GRIK1: variants seen among roughly 807,000 people sequenced by gnomAD.
GRIK1 encodes glutamate receptor ionotropic, kainate 1.
Under a neutral mutation model 105.7 loss-of-function variants are expected in GRIK1, and 69 were observed. That is an observed-to-expected ratio of 0.65 (90% CI 0.54 to 0.80). The LOEUF (loss-of-function observed/expected upper bound fraction) is 0.80, where lower values mean the gene tolerates loss of function less well. Among genes scored for constraint, GRIK1 ranks in the 30% least tolerant of loss-of-function variants. The pLI is 0.00. For missense variants in GRIK1, 1,109 were observed against 1,167.3 expected, an observed-to-expected ratio of 0.95 and a Z score of 0.73; for synonymous variants, 438 against 431.3, an observed-to-expected ratio of 1.02 and a Z score of -0.19.
intron 1 of GRIK1, among the ~76,000 whole-genome samples, chr21:29,703,141 T>C (rs1344293047): frequency 2.0e-5 from 3 of 152,262 alleles, no homozygotes; most frequent in Admixed American, 2.0e-4. Context: ...TGAGTTTTTA[T>C]GTTTATGATA....
intron 7 of GRIK1, among the ~76,000 whole-genome samples, chr21:29,626,630 C>T (rs1351590638): frequency 6.6e-6 from 1 of 152,174 alleles, no homozygotes; most frequent in African/African-American, 2.4e-5. Flanking sequence ...ATTAATAGGG[C>T]ACTGTTTGAC....
chr21:29,659,977 CA>C (rs368781243), intron 4 of GRIK1, among the ~76,000 whole-genome samples: 10 of 151,606 alleles, frequency 6.6e-5, no homozygotes, highest in Non-Finnish European at 1.0e-4. Flanking sequence ...CAAAACAAAA[CA>C]AAAAAAACCC....
chr21:29,758,675 A>G (rs771165360), intron 1 of GRIK1, among the ~76,000 whole-genome samples: 2 of 152,214 alleles, frequency 1.3e-5, no homozygotes, highest in Admixed American at 6.5e-5. Context: ...ACATCATTAG[A>G]CTAATTTACT....
chr21:29,928,209 T>G (rs1470323903), intron 1 of GRIK1, among the ~76,000 whole-genome samples: 1 of 152,268 alleles, frequency 6.6e-6, no homozygotes, highest in Non-Finnish European at 1.5e-5. Context: ...CTAGGCTTTC[T>G]GTTGCAAAGC....
intron 16 of GRIK1, among the ~76,000 whole-genome samples, chr21:29,542,602 A>C (rs868133565): frequency 6.6e-6 from 1 of 152,234 alleles, no homozygotes; most frequent in Non-Finnish European, 1.5e-5. Context: ...TATGGAATTG[A>C]CTTTCATACT....
chr21:29,652,509 T>C (rs2062758057), intron 5 of GRIK1, among the ~76,000 whole-genome samples: 1 of 152,210 alleles, frequency 6.6e-6, no homozygotes, highest in Non-Finnish European at 1.5e-5. Flanking sequence ...AGGGAACCCA[T>C]TCCCTTGCAG....
intron 1 of GRIK1, among the ~76,000 whole-genome samples, chr21:29,844,597 C>T (rs181777158): frequency 5.9e-5 from 9 of 152,242 alleles, no homozygotes; most frequent in Admixed American, 1.3e-4. Flanking sequence ...AACAAAAACA[C>T]GAATATTAGA....
chr21:29,848,475 A>G lies in GRIK1; in HGVS notation c.118+90908T>C, dbSNP rs370223112. Among the ~76,000 whole-genome samples the G allele has an allele frequency of 2.7e-4, 41 of 152,270 alleles. No individual in the cohort carries two copies. In the South Asian group the frequency reaches 7.9e-3, roughly 29 times the overall value. ...CACCTTGATGCTTATTAGAGTCTAA[A>G]TCATACACAAACTATCACTTTTGTG... On this transcript the variant is annotated intron_variant, in intron 1 of 17. Transcript: ENST00000327783.
chr21:29,626,433 G>C (rs2062133153), intron 7 of GRIK1, among the ~76,000 whole-genome samples: 1 of 152,138 alleles, frequency 6.6e-6, no homozygotes, highest in Non-Finnish European at 1.5e-5. Flanking sequence ...AGGGTGAACG[G>C]TGTCTTTATA....
chr21:29,821,798 T>C (rs947545499), intron 1 of GRIK1, among the ~76,000 whole-genome samples: 1 of 152,058 alleles, frequency 6.6e-6, no homozygotes, highest in Non-Finnish European at 1.5e-5. Context: ...GATTTGTATA[T>C]AGTTTATGGT....
chr21:29,606,657 C>T (rs1189880907), intron 7 of GRIK1, among the ~76,000 whole-genome samples: 1 of 146,144 alleles, frequency 6.8e-6, no homozygotes, highest in African/African-American at 2.7e-5. Flanking sequence ...TCAGAAACAT[C>T]TTTTTTTAAA....
chr21:29,590,194 C>A (rs906190097), intron 10 of GRIK1, among the ~76,000 whole-genome samples: 4 of 152,124 alleles, frequency 2.6e-5, no homozygotes, highest in Admixed American at 1.3e-4. Context: ...CAGTAGAGAA[C>A]CCTGTGTTTT....
chr21:29,790,300 G>C (rs570749839), intron 1 of GRIK1, among the ~76,000 whole-genome samples: 1 of 151,720 alleles, frequency 6.6e-6, no homozygotes, highest in African/African-American at 2.4e-5. Context: ...GCCCACCTCG[G>C]CCTCCCAAAG....
chr21:29,635,180 G>A lies in GRIK1; in HGVS notation c.1098+7646C>T, dbSNP rs556561797. On this transcript the variant is annotated intron_variant, in intron 7 of 17. Coordinates refer to ENST00000327783, the MANE Select transcript of GRIK1 (RefSeq NM_001330994.2). Reference sequence around the variant, plus strand: ...TATGGTTTGAGTGGCAGGCTCCATCGTACTGTAATGCTTTCACTCAGGTAC... The same window carrying A: ...TATGGTTTGAGTGGCAGGCTCCATCATACTGTAATGCTTTCACTCAGGTAC... Among the ~76,000 whole-genome samples, 7 of 152,236 alleles carry A rather than the reference G, an allele frequency of 4.6e-5. No individual in the cohort carries two copies. In the South Asian group the frequency reaches 1.5e-3, roughly 32 times the overall value.
At position 29,631,366 on chromosome 21, in the gene GRIK1, T is replaced by C. The variant is rs188487782; in HGVS notation, c.1098+11460A>G. Among the ~76,000 whole-genome samples the C allele has an allele frequency of 3.3e-5, 5 of 152,294 alleles. No homozygotes were observed. The East Asian group carries it at 5.8e-4, about 18-fold the overall frequency. The stretch of plus-strand genomic sequence containing the variant: ...AGTCCCCATGGTGGGATGAGTGTCC[T>C]TGTAAGAAGAGACATACAGCAGTGC... On this transcript the variant is annotated intron_variant, in intron 7 of 17. Coordinates refer to ENST00000327783, the MANE Select transcript of GRIK1 (RefSeq NM_001330994.2).
rs187680873 is a variant in GRIK1 at position 29,872,236 on chromosome 21, C to T, written c.118+67147G>A. On this transcript the variant is annotated intron_variant, in intron 1 of 17. Transcript: ENST00000327783. Reference sequence around the variant, plus strand: ...TGAGACGGAGTCTCGCTCTGTCGCCCAGGCTGGAGTGCAGTGGTGCGATCT... The same window carrying T: ...TGAGACGGAGTCTCGCTCTGTCGCCTAGGCTGGAGTGCAGTGGTGCGATCT... Among the ~76,000 whole-genome samples, 593 of 147,520 alleles carry T rather than the reference C, an allele frequency of 4.0e-3. 3 individuals carry two copies. The highest frequency in any genetic ancestry group is 0.014 in the African/African-American group (567 of 40,018).
intron 1 of GRIK1, among the ~76,000 whole-genome samples, chr21:29,895,659 A>G (rs867494983): frequency 1.3e-5 from 2 of 152,298 alleles, no homozygotes; most frequent in Middle Eastern, 3.4e-3. Flanking sequence ...TACTTTGTCT[A>G]TAGCACTTGT....
intron 1 of GRIK1, among the ~76,000 whole-genome samples, chr21:29,898,427 G>A (rs1429357993): frequency 1.3e-5 from 2 of 152,180 alleles, no homozygotes; most frequent in South Asian, 2.1e-4. Context: ...GGTCAGGTGA[G>A]GGGGTTAGTT....
chr21:29,565,497 A>G (rs1001049383), intron 14 of GRIK1, among the ~76,000 whole-genome samples: 1 of 152,200 alleles, frequency 6.6e-6, no homozygotes, highest in Non-Finnish European at 1.5e-5. Flanking sequence ...CAATGGCACG[A>G]TCTCGGCTCA....
Sources: gnomAD v4.1 joint callset for allele counts (sites outside exome capture counted in the v4.1 genomes callset) on GRCh38, gnomAD v4.1.1 for gene constraint, MANE v1.5 for transcripts, NCBI Gene and HGNC (gene_info 2026-07-23, HGNC 2026-07-21) for gene names.